MAF: variants seen among roughly 807,000 people sequenced by gnomAD.
The protein encoded by MAF is transcription factor Maf.
A neutral mutation model predicts 22.0 loss-of-function variants in MAF; 10 were observed. That is an observed-to-expected ratio of 0.45 (90% CI 0.28 to 0.77). MAF has a LOEUF of 0.77. Ranked by LOEUF, MAF falls within the 30% of genes least tolerant of loss-of-function variation. The pLI, the probability that MAF is intolerant of heterozygous loss-of-function variation, is 0.12. For missense variants in MAF, 544 were observed against 548.4 expected (o/e 0.99, Z 0.08); for synonymous variants, 337 against 255.8 (o/e 1.32, Z -3.03).
chr16:79,389,800 C>A, the MAF span, among the ~76,000 whole-genome samples: 1 of 151,100 alleles, frequency 6.6e-6, no homozygotes, highest in African/African-American at 2.4e-5. Context: ...CATGGTGAAA[C>A]GCCCTCTCTA....
At chr16:79,312,669 C>A in the MAF span, among the ~76,000 whole-genome samples, 35 of 152,220 alleles carry the variant, frequency 2.3e-4, no homozygotes, top group Non-Finnish European at 2.6e-4. Context: ...GGTCAGGTGA[C>A]CACAACAATT....
the MAF span, among the ~76,000 whole-genome samples, chr16:79,345,141 G>C: frequency 3.9e-5 from 6 of 152,134 alleles, no homozygotes; most frequent in Non-Finnish European, 7.3e-5. Flanking sequence ...GTTTTCACTT[G>C]TACCTCCTTT....
the MAF span, among the ~76,000 whole-genome samples, chr16:79,461,810 T>C: frequency 1.3e-5 from 2 of 152,116 alleles, no homozygotes; most frequent in African/African-American, 4.8e-5. Context: ...GCGAGACCCA[T>C]CCTCCTATGC....
At chr16:79,541,071 ACTG>A in the MAF span, among the ~76,000 whole-genome samples, 11 of 152,270 alleles carry the variant, frequency 7.2e-5, no homozygotes, top group South Asian at 8.3e-4. Flanking sequence ...TGACACGATT[ACTG>A]CTATCACTAT....
the MAF span, among the ~76,000 whole-genome samples, chr16:79,472,786 T>A: frequency 6.6e-6 from 1 of 151,936 alleles, no homozygotes; most frequent in African/African-American, 2.4e-5. Flanking sequence ...ATATAAATTG[T>A]ACGTCAATAA....
At chr16:79,361,878 A>G in the MAF span, among the ~76,000 whole-genome samples, 2 of 152,184 alleles carry the variant, frequency 1.3e-5, no homozygotes, top group East Asian at 3.9e-4. Context: ...GTAGAAAGGA[A>G]AGGAAAGGAG....
chr16:79,266,793 C>T, the MAF span, among the ~76,000 whole-genome samples: 2 of 152,118 alleles, frequency 1.3e-5, no homozygotes, highest in African/African-American at 4.8e-5. Flanking sequence ...GCTTGGAAGG[C>T]AAGGCACCGA....
the MAF span, among the ~76,000 whole-genome samples, chr16:79,366,647 T>C: frequency 2.6e-5 from 4 of 152,066 alleles, no homozygotes; most frequent in Non-Finnish European, 4.4e-5. Flanking sequence ...GTTTTGAGAG[T>C]CAGCATGCAA....
the MAF span, among the ~76,000 whole-genome samples, chr16:79,408,996 C>G: frequency 2.4e-5 from 2 of 83,790 alleles, no homozygotes; most frequent in Non-Finnish European, 4.6e-5. Flanking sequence ...CCAGAGTTTT[C>G]AAATTGCGTG....
the MAF span, among the ~76,000 whole-genome samples, chr16:79,224,539 G>T: frequency 6.6e-6 from 1 of 152,076 alleles, no homozygotes; most frequent in Admixed American, 6.6e-5. Context: ...GAAATAAAGG[G>T]TATTCAATTA....
chr16:79,566,980 C>G, the MAF span, among the ~76,000 whole-genome samples: 1 of 152,092 alleles, frequency 6.6e-6, no homozygotes, highest in African/African-American at 2.4e-5. Flanking sequence ...TTTTGGCTGT[C>G]TGGGATGAAG....
the MAF span, among the ~76,000 whole-genome samples, chr16:79,520,486 C>T: frequency 2.6e-4 from 40 of 151,084 alleles, no homozygotes; most frequent in Admixed American, 5.3e-4. Context: ...TGTGTGTGTG[C>T]GTGTGTGTGT....
the MAF span, among the ~76,000 whole-genome samples, chr16:79,305,009 G>A: frequency 1.3e-5 from 2 of 152,198 alleles, no homozygotes; most frequent in Admixed American, 1.3e-4. Flanking sequence ...AGTAATTTAA[G>A]CAATGTGGAC....
At chr16:79,505,930 G>A in the MAF span, among the ~76,000 whole-genome samples, 1 of 151,918 alleles carries the variant, frequency 6.6e-6, no homozygotes, top group Non-Finnish European at 1.5e-5. Flanking sequence ...ACAATGGATA[G>A]AAGGAAGAGG....
At chr16:79,261,146 G>GTATT in the MAF span, among the ~76,000 whole-genome samples, 13,146 of 151,684 alleles carry the variant, frequency 0.087, 708 homozygotes, top group Non-Finnish European at 0.12. Flanking sequence ...GCTCCCATGG[G>GTATT]TATTTATTTA....
chr16:79,206,192 G>C, the MAF span: 1 of 152,172 alleles, frequency 6.6e-6, no homozygotes, highest in African/African-American at 2.4e-5. Flanking sequence ...TTTCATTTTA[G>C]GCCATGTTAG....
chr16:79,422,148 A>G, the MAF span, among the ~76,000 whole-genome samples: 2 of 152,202 alleles, frequency 1.3e-5, no homozygotes, highest in Non-Finnish European at 2.9e-5. Context: ...AGGACAGAGC[A>G]TTCTGGAAAA....
the MAF span, among the ~76,000 whole-genome samples, chr16:79,325,973 G>A: frequency 6.6e-6 from 1 of 152,182 alleles, no homozygotes; most frequent in South Asian, 2.1e-4. Context: ...ACAAGGAGAG[G>A]CAGATGAAAG....
the MAF span, among the ~76,000 whole-genome samples, chr16:79,312,040 A>G: frequency 2.0e-5 from 3 of 151,768 alleles, no homozygotes; most frequent in Non-Finnish European, 2.9e-5. Flanking sequence ...AAAACTCTCA[A>G]TCTCATTTTT....
Sources: allele counts gnomAD v4.1 joint callset (sites outside exome capture counted in the v4.1 genomes callset), GRCh38; gene constraint gnomAD v4.1.1; transcripts MANE v1.5; gene names NCBI Gene and HGNC (gene_info 2026-07-23, HGNC 2026-07-21).